Variants in CUL5 observed in about 807,000 individuals in gnomAD.
CUL5 encodes cullin-5.
In CUL5, 26 loss-of-function variants were observed where a neutral mutation model predicts 108.8. That is an observed-to-expected ratio of 0.24 (90% confidence interval 0.18 to 0.33). The LOEUF (loss-of-function observed/expected upper bound fraction) is 0.33. Among genes scored for constraint, CUL5 ranks in the 10% least tolerant of loss-of-function variants. The pLI, the probability that CUL5 is intolerant of heterozygous loss-of-function variation, is 1.00. For synonymous variants in CUL5, 334 were observed against 298.0 expected (o/e 1.12, Z -1.25); for missense variants, 524 against 909.2 (o/e 0.58, Z 5.45).
chr11:108,042,119 A>G (rs1199587052), intron 2 of CUL5, among the ~76,000 whole-genome samples: 2 of 151,266 alleles, frequency 1.3e-5, no homozygotes, highest in Non-Finnish European at 2.9e-5. Context: ...AGTTTGCCCA[A>G]TTTTTTTCTT....
chr11:108,076,331 G>C (rs1863939189), intron 10 of CUL5, among the ~76,000 whole-genome samples: 1 of 152,110 alleles, frequency 6.6e-6, no homozygotes, highest in African/African-American at 2.4e-5. Flanking sequence ...ACCATGCCCA[G>C]CCCAGTATAA....
chr11:108,080,245 C>A (rs1452888034), intron 11 of CUL5, among the ~76,000 whole-genome samples: 1 of 150,694 alleles, frequency 6.6e-6, no homozygotes, highest in Non-Finnish European at 1.5e-5. Context: ...TATAAGCACA[C>A]ACCACCATAC....
intron 1 of CUL5, among the ~76,000 whole-genome samples, chr11:108,032,884 T>G (rs1029551236): frequency 6.6e-6 from 1 of 152,120 alleles, no homozygotes; most frequent in Non-Finnish European, 1.5e-5. Context: ...TTTCAGAGTT[T>G]ACATAGATTT....
At chr11:108,087,455 G>A (rs1166361558) in intron 11 of CUL5, among the ~76,000 whole-genome samples, 1 of 152,058 alleles carries the variant, frequency 6.6e-6, no homozygotes, top group East Asian at 1.9e-4. Flanking sequence ...TATTTTTAGA[G>A]AAGTAGGATT....
At chr11:108,026,066 T>C (rs1001359973) in intron 1 of CUL5, among the ~76,000 whole-genome samples, 1 of 152,236 alleles carries the variant, frequency 6.6e-6, no homozygotes, top group Non-Finnish European at 1.5e-5. Context: ...CTTTCTCTTT[T>C]CACCTTGAAG....
chr11:108,051,857 A>T (rs562446560), intron 4 of CUL5, among the ~76,000 whole-genome samples: 13 of 152,354 alleles, frequency 8.5e-5, no homozygotes, highest in African/African-American at 3.1e-4. Context: ...AATTTTTACA[A>T]CCACTGAAAT....
intron 3 of CUL5, among the ~76,000 whole-genome samples, chr11:108,049,222 C>T (rs1381470664): frequency 7.4e-6 from 1 of 135,574 alleles, no homozygotes; most frequent in Non-Finnish European, 1.6e-5. Context: ...TAATTGGAAT[C>T]ATAATATGTG....
intron 1 of CUL5, among the ~76,000 whole-genome samples, chr11:108,013,505 G>A (rs895841424): frequency 6.6e-6 from 1 of 152,044 alleles, no homozygotes. Context: ...TCTCATACAT[G>A]TGTGCGTACA....
rs573638386 is a variant in CUL5, at chr11:108,033,676, A to G, written c.25-126A>G. On this transcript the variant is annotated intron_variant, in intron 1 of 18. Transcript: ENST00000393094. The stretch of plus-strand genomic sequence containing the variant: ...AACGGATTAAGCCTGTAGGGATTCC[A>G]TTATGGAAAACTGGTTCATTTAAAT... 8 of 618,648 alleles carry G rather than the reference A, an allele frequency of 1.3e-5. No homozygotes were observed. In the East Asian group the frequency reaches 1.7e-4, roughly 13 times the overall value. 38.3% of individuals were successfully genotyped at this position (618,648 alleles called of 1,614,324 possible).
chr11:108,068,446 C>T (rs987409429), intron 7 of CUL5, among the ~76,000 whole-genome samples: 1 of 152,086 alleles, frequency 6.6e-6, no homozygotes, highest in Non-Finnish European at 1.5e-5. Flanking sequence ...AGCCCCCCAA[C>T]TCGCAGGGAC....
intron 2 of CUL5, among the ~76,000 whole-genome samples, chr11:108,042,096 A>T (rs888856773): frequency 6.6e-6 from 1 of 152,114 alleles, no homozygotes; most frequent in Non-Finnish European, 1.5e-5. Context: ...AATATAAGGG[A>T]TAAAAGGGGG....
chr11:108,090,357 T>G (rs1198233501), intron 13 of CUL5, among the ~76,000 whole-genome samples: 1 of 150,772 alleles, frequency 6.6e-6, no homozygotes, highest in African/African-American at 2.4e-5. Context: ...GGCGTGGTGG[T>G]GGGGGGCCTG....
In CUL5 at chr11:108,022,388, T is replaced by C. The variant is rs544684854; in HGVS notation, c.25-11414T>C. On this transcript the variant is annotated intron_variant, in intron 1 of 18. Coordinates refer to ENST00000393094, the MANE Select transcript of CUL5 (RefSeq NM_003478.6). ...GTTTAAACATTTTTATTTTTTAACA[T>C]GATAACAAATACTGTATTTCTACAC... Among the ~76,000 whole-genome samples the C allele has an allele frequency of 4.0e-3, 614 of 152,334 alleles. 4 individuals carry two copies. The highest frequency in any genetic ancestry group is 0.017 in the Middle Eastern group (5 of 294).
chr11:108,065,891 A>G (rs1295703896), intron 7 of CUL5, among the ~76,000 whole-genome samples: 1 of 151,760 alleles, frequency 6.6e-6, no homozygotes, highest in African/African-American at 2.4e-5. Context: ...CCACTCCTCT[A>G]TTTTTTATTA....
intron 2 of CUL5, among the ~76,000 whole-genome samples, chr11:108,040,755 G>C (rs889203400): frequency 6.6e-6 from 1 of 152,050 alleles, no homozygotes; most frequent in African/African-American, 2.4e-5. Context: ...CTCCAGGCAG[G>C]GTGACAGGGA....
intron 4 of CUL5, among the ~76,000 whole-genome samples, chr11:108,051,887 A>G (rs1310238745): frequency 6.6e-6 from 1 of 152,206 alleles, no homozygotes; most frequent in Non-Finnish European, 1.5e-5. Flanking sequence ...TATTTTGACC[A>G]TTTTATACAT....
chr11:108,080,044 T>TA (rs1468878953), intron 11 of CUL5, among the ~76,000 whole-genome samples: 1 of 152,126 alleles, frequency 6.6e-6, no homozygotes, highest in Admixed American at 6.6e-5. Context: ...TTGGGATGTA[T>TA]GTAGTAGTAT....
chr11:108,049,961 A>G lies in CUL5; in HGVS notation c.306A>G (p.Thr102=), dbSNP rs754673122. ...AYIVEWRKFF[T]QCDILPKPFC... ...TTGTTGAATGGCGAAAGTTCTTTAC[A>G]CAATGTGATATTTTACCAAAACCTT... Residue 102 remains threonine, a synonymous_variant, in exon 4 of 19, where the codon ACA becomes ACG. Transcript: ENST00000393094. The G allele has an allele frequency of 8.7e-6, 14 of 1,613,606 alleles. No homozygotes were observed. The highest frequency in any genetic ancestry group is 1.7e-5 in the Admixed American group (1 of 59,986).
intron 1 of CUL5, among the ~76,000 whole-genome samples, chr11:108,029,569 A>G (rs1360545827): frequency 6.6e-6 from 1 of 152,212 alleles, no homozygotes; most frequent in Non-Finnish European, 1.5e-5. Flanking sequence ...TCTGTTTTGT[A>G]GATAGTGGAT....
Sources: allele counts gnomAD v4.1 joint callset (sites outside exome capture counted in the v4.1 genomes callset), GRCh38; gene constraint gnomAD v4.1.1; transcripts MANE v1.5; gene names NCBI Gene and HGNC (gene_info 2026-07-23, HGNC 2026-07-21).